The following IL1RAPL1 variants were observed in gnomAD, a reference collection of about 807,000 sequenced individuals.
The protein encoded by IL1RAPL1 is interleukin-1 receptor accessory protein-like 1.
IL1RAPL1 carries 3 observed loss-of-function variants against 48.4 expected under a neutral mutation model. The observed-to-expected ratio is 0.06, with a 90% CI of 0.03 to 0.16. The LOEUF (loss-of-function observed/expected upper bound fraction) is 0.16, where lower values mean the gene tolerates loss of function less well. Among genes scored for constraint, IL1RAPL1 ranks in the 10% least tolerant of loss-of-function variants. The pLI is 1.00. For missense variants in IL1RAPL1, 349 were observed against 530.6 expected (o/e 0.66, Z 3.36); for synonymous variants, 185 against 187.7 (o/e 0.99, Z 0.12).
At chrX:29,832,697 T>A (rs1221067827) in intron 6 of IL1RAPL1, among the ~76,000 whole-genome samples, 2 of 102,023 alleles carry the variant, frequency 2.0e-5, no homozygotes, top group Admixed American at 2.2e-4. Context: ...TGCTGTTTTT[T>A]TGTTTTTGTT....
intron 2 of IL1RAPL1, among the ~76,000 whole-genome samples, chrX:28,985,431 A>C (rs1050658539): frequency 3.4e-4 from 38 of 111,979 alleles, no homozygotes; most frequent in African/African-American, 1.2e-3. Context: ...GATCCTACAT[A>C]ACACATGTGC....
intron 2 of IL1RAPL1, among the ~76,000 whole-genome samples, chrX:28,865,189 G>A (rs937192933): frequency 2.7e-5 from 3 of 111,825 alleles, no homozygotes; most frequent in Admixed American, 1.9e-4. Context: ...TGTAATCCCA[G>A]CACTTTGGGA....
rs913007133 is a variant in IL1RAPL1, at chrX:29,407,295, C to T, written c.703+7987C>T. Among the ~76,000 whole-genome samples, 6 of 111,165 alleles carry T rather than the reference C, an allele frequency of 5.4e-5. No homozygotes were observed. In the East Asian group the frequency reaches 1.4e-3, roughly 26 times the overall value. On this transcript the variant is annotated intron_variant, in intron 5 of 10. Coordinates refer to ENST00000378993, the MANE Select transcript of IL1RAPL1 (RefSeq NM_014271.4). ...GAGTTTTGGGGTATTTATTTTCTTGCGTGTTTAAAAGTTGTATTAGCTGAT... is the reference window on the plus strand; with the variant it reads ...GAGTTTTGGGGTATTTATTTTCTTGTGTGTTTAAAAGTTGTATTAGCTGAT...
At chrX:28,998,152 GTTAT>G (rs1925764682) in intron 2 of IL1RAPL1, among the ~76,000 whole-genome samples, 1 of 110,529 alleles carries the variant, frequency 9.0e-6, no homozygotes, top group South Asian at 3.8e-4. Context: ...ATAAGCCAAT[GTTAT>G]TTATTTATTT....
intron 2 of IL1RAPL1, among the ~76,000 whole-genome samples, chrX:29,254,332 T>C (rs1037413377): frequency 7.2e-5 from 8 of 111,780 alleles, no homozygotes; most frequent in Non-Finnish European, 1.5e-4. Flanking sequence ...TTATGATTTA[T>C]ACTTATGGAT....
chrX:29,033,469 G>A (rs1926664068), intron 2 of IL1RAPL1, among the ~76,000 whole-genome samples: 1 of 111,371 alleles, frequency 9.0e-6, no homozygotes, highest in Non-Finnish European at 1.9e-5. Flanking sequence ...GGGTTTGGCT[G>A]AGATATGGAT....
chrX:29,914,744 A>G (rs1932784462), intron 6 of IL1RAPL1, among the ~76,000 whole-genome samples: 1 of 107,152 alleles, frequency 9.3e-6, no homozygotes, highest in South Asian at 3.7e-4. Flanking sequence ...GTAAACACAA[A>G]GAATATTTGA....
intron 2 of IL1RAPL1, among the ~76,000 whole-genome samples, chrX:29,122,421 A>T (rs962230949): frequency 1.7e-3 from 168 of 97,511 alleles, no homozygotes; most frequent in African/African-American, 6.3e-3. Context: ...ACACACACAC[A>T]CACACACACA....
intron 6 of IL1RAPL1, among the ~76,000 whole-genome samples, chrX:29,799,997 T>C (rs1052477341): frequency 2.7e-5 from 3 of 111,761 alleles, no homozygotes; most frequent in African/African-American, 9.8e-5. Context: ...TCATAAATGT[T>C]TTGTAGGCCG....
chrX:29,837,330 C>T (rs1329065285), intron 6 of IL1RAPL1, among the ~76,000 whole-genome samples: 5 of 89,568 alleles, frequency 5.6e-5, no homozygotes, highest in South Asian at 5.5e-4. Context: ...CATATATAGA[C>T]GGAGAGAAGG....
chrX:28,611,388 T>A (rs945342664), intron 1 of IL1RAPL1, among the ~76,000 whole-genome samples: 1 of 111,740 alleles, frequency 8.9e-6, no homozygotes, highest in Non-Finnish European at 1.9e-5. Flanking sequence ...GCATCACACA[T>A]AATCTCTTGC....
At chrX:29,375,847 A>G (rs1005430032) in intron 3 of IL1RAPL1, among the ~76,000 whole-genome samples, 2 of 112,342 alleles carry the variant, frequency 1.8e-5, no homozygotes, top group African/African-American at 6.5e-5. Flanking sequence ...TTGTTTGCAT[A>G]GAGTTGTTCA....
intron 2 of IL1RAPL1, among the ~76,000 whole-genome samples, chrX:29,086,643 G>A (rs1312249715): frequency 9.0e-6 from 1 of 111,691 alleles, no homozygotes; most frequent in Non-Finnish European, 1.9e-5. Flanking sequence ...TGTACCAAAT[G>A]TTGCTTTGTA....
At chrX:29,158,726 C>CA (rs1336523459) in intron 2 of IL1RAPL1, among the ~76,000 whole-genome samples, 4 of 109,970 alleles carry the variant, frequency 3.6e-5, no homozygotes, top group Middle Eastern at 4.7e-3. Context: ...TTCATAGAAA[C>CA]AAAAAAAATC....
intron 2 of IL1RAPL1, among the ~76,000 whole-genome samples, chrX:29,185,330 G>C (rs1031232429): frequency 9.0e-6 from 1 of 111,350 alleles, no homozygotes; most frequent in African/African-American, 3.3e-5. Flanking sequence ...TTTTTTCACA[G>C]AGGATCTTAA....
intron 6 of IL1RAPL1, among the ~76,000 whole-genome samples, chrX:29,900,372 G>C (rs1305657922): frequency 8.9e-6 from 1 of 112,153 alleles, no homozygotes; most frequent in Admixed American, 9.5e-5. Flanking sequence ...AAGCAGGTTT[G>C]TGCCTAAGAC....
At chrX:29,028,175 A>G (rs1926529672) in intron 2 of IL1RAPL1, among the ~76,000 whole-genome samples, 1 of 110,629 alleles carries the variant, frequency 9.0e-6, no homozygotes, top group Non-Finnish European at 1.9e-5. Flanking sequence ...CCCTATTTTA[A>G]ACAATAGATC....
intron 5 of IL1RAPL1, among the ~76,000 whole-genome samples, chrX:29,435,217 C>A (rs1019647477): frequency 9.0e-6 from 1 of 111,252 alleles, no homozygotes. Context: ...ATGAACATTT[C>A]TGTTATTTCC....
At chrX:28,780,407 T>A (rs1353452839) in intron 1 of IL1RAPL1, among the ~76,000 whole-genome samples, 1 of 107,103 alleles carries the variant, frequency 9.3e-6, no homozygotes, top group East Asian at 3.0e-4. Flanking sequence ...AGATTCAGAT[T>A]GCTAACCTGG....
Sources: allele counts gnomAD v4.1 joint callset (sites outside exome capture counted in the v4.1 genomes callset), GRCh38; gene constraint gnomAD v4.1.1; transcripts MANE v1.5; gene names NCBI Gene and HGNC (gene_info 2026-07-23, HGNC 2026-07-21).